SLC30A2: variants seen among roughly 807,000 people sequenced by gnomAD.
SLC30A2 encodes proton-coupled zinc antiporter SLC30A2.
Under a neutral mutation model 39.6 loss-of-function variants are expected in SLC30A2, and 19 were observed. That is an observed-to-expected ratio of 0.48 (90% CI 0.34 to 0.70). SLC30A2 has a LOEUF of 0.70. Ranked by LOEUF, SLC30A2 falls within the 30% of genes least tolerant of loss-of-function variation. The pLI, the probability that SLC30A2 is intolerant of heterozygous loss-of-function variation, is 0.01. For missense variants in SLC30A2, 387 were observed against 479.4 expected (o/e 0.81, Z 1.80); for synonymous variants, 195 against 194.8 (o/e 1.00, Z -0.01).
At chr1:26,041,216 G>A (rs1007552943) in intron 6 of SLC30A2, among the ~76,000 whole-genome samples, 2 of 152,178 alleles carry the variant, frequency 1.3e-5, no homozygotes, top group Non-Finnish European at 2.9e-5. Context: ...GGCATTGTTT[G>A]GTCCCTGAGA....
At position 26,037,961 on chromosome 1, in the gene SLC30A2, C is replaced by T. The variant is rs1440144823; in HGVS notation, c.*1199G>A. ...ACCTGACTCCTCAGTGAGGCAGCCT[C>T]GGGCCACAGAGTTCCCTGTCCCCAG... On this transcript the variant is annotated 3_prime_UTR_variant, in exon 8 of 8. Coordinates refer to ENST00000374276, the MANE Select transcript of SLC30A2 (RefSeq NM_001004434.3). 1 of 152,252 alleles carries T rather than the reference C, an allele frequency of 6.6e-6. No homozygotes were observed. The highest frequency in any genetic ancestry group is 6.5e-5 in the Admixed American group (1 of 15,292). 9.4% of individuals were successfully genotyped at this position (152,252 alleles called of 1,614,324 possible). A position where few individuals can be genotyped will look rare whatever the true frequency, so the allele number is the denominator to read the frequency against.
At chr1:26,042,789 C>T in intron 4 of SLC30A2, 81 bp from the exon 5 acceptor site, 1 of 1,308,388 alleles carries the variant, frequency 7.6e-7, no homozygotes. Context: ...ACTTGTAGGG[C>T]AAAAATCTCA....
Position 26,038,525 on chromosome 1 carries a change from G to C in SLC30A2, c.*635C>G, listed in dbSNP as rs2050363711. On this transcript the variant is annotated 3_prime_UTR_variant, in exon 8 of 8. Coordinates refer to ENST00000374276, the MANE Select transcript of SLC30A2 (RefSeq NM_001004434.3). The stretch of plus-strand genomic sequence containing the variant: ...CCCCCTGCCCACCACCTGTGCCAAA[G>C]TTGTTTTTTGTGTTGGCACAGCTGA... The C allele has an allele frequency of 6.6e-6, 1 of 152,260 alleles. No homozygotes were observed. The highest frequency in any genetic ancestry group is 2.1e-4 in the South Asian group (1 of 4,838). The allele number at this position is 152,260 out of a possible 1,614,324, so 9.4% of individuals were successfully genotyped here. A position where few individuals can be genotyped will look rare whatever the true frequency, so the allele number is the denominator to read the frequency against.
rs1384630273 is a variant in SLC30A2 at position 26,046,054 on chromosome 1, G to A, written c.-158C>T. ...GCTCCTGCGGCCCCTGAGCTCCCCC[G>A]GCTCCCGCTGCGGCTGCAGCTCCGG... On this transcript the variant is annotated 5_prime_UTR_variant, in exon 1 of 8. Coordinates refer to ENST00000374276, the MANE Select transcript of SLC30A2 (RefSeq NM_001004434.3). The surrounding 1 kb of genome is among the most constrained non-coding windows in gnomAD (Gnocchi z 4.4). 7 of 1,335,792 alleles carry A rather than the reference G, an allele frequency of 5.2e-6. No homozygotes were observed. In the South Asian group the frequency reaches 5.8e-5, roughly 11 times the overall value. 82.7% of individuals were successfully genotyped at this position (1,335,792 alleles called of 1,614,324 possible).
intron 1 of SLC30A2, 22 bp downstream of exon 1, chr1:26,045,825 C>T: frequency 1.2e-6 from 2 of 1,613,634 alleles, no homozygotes; most frequent in Non-Finnish European, 1.7e-6. Flanking sequence ...AATTCCCGCC[C>T]GTCCCCAGGC....
At chr1:26,043,213 T>G (rs1384081484) in intron 4 of SLC30A2, among the ~76,000 whole-genome samples, 185 bp downstream of exon 4, 1 of 152,150 alleles carries the variant, frequency 6.6e-6, no homozygotes, top group Non-Finnish European at 1.5e-5. Context: ...GCTCCCAGTG[T>G]TCTTGGCCTA....
chr1:26,038,936 G>A lies in SLC30A2; in HGVS notation c.*224C>T. 1 of 1,238,662 alleles carries A rather than the reference G, an allele frequency of 8.1e-7. No homozygotes were observed. The highest frequency in any genetic ancestry group is 1.0e-6 in the Non-Finnish European group (1 of 967,124). The allele number at this position is 1,238,662 out of a possible 1,614,324, so 76.7% of individuals were successfully genotyped here. On this transcript the variant is annotated 3_prime_UTR_variant, in exon 8 of 8. Coordinates refer to ENST00000374276, the MANE Select transcript of SLC30A2 (RefSeq NM_001004434.3). ...CCTTCCAGAGCTGGCCCAGGAGCTG[G>A]AAGAGCAGGGTCACACTAGCTTTAT... is the stretch of plus-strand genomic sequence containing the variant.
intron 4 of SLC30A2, 86 bp downstream of exon 4, chr1:26,043,312 C>A: frequency 7.2e-7 from 1 of 1,381,562 alleles, no homozygotes; most frequent in Non-Finnish European, 1.0e-6. Context: ...GAAAGTGGCA[C>A]AGTCTCTTTC....
chr1:26,044,148 A>G, intron 3 of SLC30A2, 150 bp downstream of exon 3: 2 of 810,862 alleles, frequency 2.5e-6, no homozygotes, highest in Non-Finnish European at 4.0e-6. Context: ...GACAGAGGCC[A>G]TGGTTGACAT....
Position 26,046,072 on chromosome 1 carries a change from A to AGCTCCGGCTCTG in SLC30A2, c.-188_-177dup, listed in dbSNP as rs1553144205. 16 of 1,326,876 alleles carry AGCTCCGGCTCTG rather than the reference A, an allele frequency of 1.2e-5. No individual in the cohort carries two copies. Among genetic ancestry groups the AGCTCCGGCTCTG allele is most frequent in the Non-Finnish European group, 1.5e-5 (16 of 1,045,860 alleles). The allele number at this position is 1,326,876 out of a possible 1,614,324, so 82.2% of individuals were successfully genotyped here. A position where few individuals can be genotyped will look rare whatever the true frequency, so the allele number is the denominator to read the frequency against. On this transcript the variant is annotated 5_prime_UTR_variant, in exon 1 of 8. Transcript: ENST00000374276. This position sits in a 1 kb window ranked among gnomAD's most constrained non-coding sequence, Gnocchi z 4.4. The stretch of plus-strand genomic sequence containing the variant: ...CTCCCCCGGCTCCCGCTGCGGCTGC[A>AGCTCCGGCTCTG]GCTCCGGCTCTGGCTCCGCGTGCCA...
chr1:26,042,525 A>C (rs1239552529), intron 5 of SLC30A2, 24 bp downstream of exon 5: 1 of 1,604,810 alleles, frequency 6.2e-7, no homozygotes, highest in Non-Finnish European at 8.5e-7. Context: ...TGCCACCCCC[A>C]CCACCCTGTG....
chr1:26,043,347 G>A, intron 4 of SLC30A2, 51 bp downstream of exon 4: 1 of 1,573,460 alleles, frequency 6.4e-7, no homozygotes, highest in Non-Finnish European at 8.7e-7. Context: ...AGGTGTGGGT[G>A]TGAGAGGCGG....
In SLC30A2 at chr1:26,045,216, A is replaced by G; in HGVS notation, c.52T>C (p.Ser18Pro). Residue 18 changes from serine (S) to proline (P), a missense_variant and splice_region_variant, in exon 2 of 8, where the codon TCA becomes CCA. Ser to Pro is a moderately conservative substitution (Grantham distance 74). Coordinates refer to ENST00000374276, the MANE Select transcript of SLC30A2 (RefSeq NM_001004434.3). ...TCCTGCCACAGAGATCCCGTGTATG[A>G]CCTGGCCAGAGGGGAAGAGAGGGAA... Reference protein sequence around the residue: ...HLLDARPAIRSYTGSLWQEGA... With the variant: ...HLLDARPAIRPYTGSLWQEGA... 6.2e-7 allele frequency: 1 copy of G among 1,609,846 alleles called. No homozygotes were observed.
chr1:26,041,240 T>C (rs907371635), intron 6 of SLC30A2, among the ~76,000 whole-genome samples: 1 of 152,218 alleles, frequency 6.6e-6, no homozygotes, highest in Non-Finnish European at 1.5e-5. Context: ...AGGAAAGGCC[T>C]GCGCTGCAGT....
At chr1:26,041,897 G>A in intron 5 of SLC30A2, 92 bp from the exon 6 acceptor site, 1 of 757,280 alleles carries the variant, frequency 1.3e-6, no homozygotes. Context: ...GGGGAGAGGT[G>A]CTCTCTCTGC....
Position 26,043,445 on chromosome 1 carries a change from C to G in SLC30A2, c.525G>C (p.Gly175=). The change falls in exon 4 of 8, where the codon GGG becomes GGC. Residue 175 remains glycine (G), a synonymous_variant. Transcript: ENST00000374276. ...AGCCCGACGTGATCAGCATGGTCCC[C>G]CCGTCAATTTCATAGTCCCCAGAGA... ...RLISGDYEID[G]GTMLITSGCA... 6.2e-7 allele frequency: 1 copy of G among 1,614,180 alleles called. No individual in the cohort carries two copies. Among genetic ancestry groups the G allele is most frequent in the Non-Finnish European group, 8.5e-7 (1 of 1,180,026 alleles).
rs752360542 is a variant in SLC30A2 at position 26,045,933 on chromosome 1, C to A, written c.-37G>T. The A allele has an allele frequency of 7.0e-5, 113 of 1,604,806 alleles. 3 individuals carry two copies. In the South Asian group the frequency reaches 1.2e-3, roughly 17 times the overall value. On this transcript the variant is annotated 5_prime_UTR_variant, in exon 1 of 8. Coordinates refer to ENST00000374276, the MANE Select transcript of SLC30A2 (RefSeq NM_001004434.3). ...CCGAGTCCCGGCAGCCGCGCAGCCG[C>A]CCCGCCGAGTGCGCCCTGAAAGTTG... is the stretch of plus-strand genomic sequence containing the variant.
chr1:26,039,671 A>G lies in SLC30A2; in HGVS notation c.973+106T>C. On this transcript the variant is annotated intron_variant, in intron 7 of 7. Coordinates refer to ENST00000374276, the MANE Select transcript of SLC30A2 (RefSeq NM_001004434.3). The surrounding 1 kb of genome is among the most constrained non-coding windows in gnomAD (Gnocchi z 4.3). ...AGTACTCAGCATGAGGCTGGGCTTG[A>G]TGCATGGGCACTGTGAGCATCTGGG... 8.8e-7 allele frequency: 1 copy of G among 1,132,140 alleles called. No individual in the cohort carries two copies. The highest frequency in any genetic ancestry group is 1.3e-6 in the Non-Finnish European group (1 of 788,252). The allele number at this position is 1,132,140 out of a possible 1,614,324, so 70.1% of individuals were successfully genotyped here. A position where few individuals can be genotyped will look rare whatever the true frequency, so the allele number is the denominator to read the frequency against.
intron 5 of SLC30A2, among the ~76,000 whole-genome samples, chr1:26,042,161 C>T (rs1397211109): frequency 6.6e-6 from 1 of 152,214 alleles, no homozygotes; most frequent in Non-Finnish European, 1.5e-5. Flanking sequence ...TGTCACATGG[C>T]TAGCAAGGAG....
Sources: allele counts gnomAD v4.1 joint callset (sites outside exome capture counted in the v4.1 genomes callset), GRCh38; gene constraint gnomAD v4.1.1; non-coding constraint Gnocchi (gnomAD v3.1); transcripts MANE v1.5; gene names NCBI Gene and HGNC (gene_info 2026-07-23, HGNC 2026-07-21).